The following ALK variants were observed in gnomAD, a reference collection of about 807,000 sequenced individuals.
The protein encoded by ALK is ALK tyrosine kinase receptor.
In ALK, 74 loss-of-function variants were observed where a neutral mutation model predicts 163.1. The observed-to-expected ratio is 0.45, with a 90% CI of 0.38 to 0.55. The LOEUF (loss-of-function observed/expected upper bound fraction) is 0.55, where lower values mean the gene tolerates loss of function less well. Ranked by LOEUF, ALK falls within the 20% of genes least tolerant of loss-of-function variation. The pLI, the probability that ALK is intolerant of heterozygous loss-of-function variation, is 0.00. For missense variants in ALK, 2,063 were observed against 2,105.3 expected, an observed-to-expected ratio of 0.98 and a Z score of 0.39; for synonymous variants, 960 against 843.2, an observed-to-expected ratio of 1.14 and a Z score of -2.40.
In ALK at chr2:29,295,958, G is replaced by A. The variant is rs145528049; in HGVS notation, c.1817+930C>T. On this transcript the variant is annotated intron_variant, in intron 9 of 28. Coordinates refer to ENST00000389048, the MANE Select transcript of ALK (RefSeq NM_004304.5). ...GGAACAGATCAGCACCCACCATGAGGGTTCAGGATGATACGGCAGGGTCAC... is the reference window on the plus strand; with the variant it reads ...GGAACAGATCAGCACCCACCATGAGAGTTCAGGATGATACGGCAGGGTCAC... Among the ~76,000 whole-genome samples the A allele has an allele frequency of 2.7e-4, 41 of 152,268 alleles. No homozygotes were observed. In the East Asian group the frequency reaches 7.5e-3, roughly 28 times the overall value.
At chr2:29,256,852 G>A (rs917663527) in intron 11 of ALK, among the ~76,000 whole-genome samples, 1 of 152,180 alleles carries the variant, frequency 6.6e-6, no homozygotes, top group African/African-American at 2.4e-5. Flanking sequence ...ATGAGAGAAG[G>A]TGCTCAGGTT....
At chr2:29,861,091 G>A (rs779843716) in intron 1 of ALK, among the ~76,000 whole-genome samples, 2 of 152,112 alleles carry the variant, frequency 1.3e-5, no homozygotes, top group South Asian at 2.1e-4. Context: ...ATGATCACTC[G>A]AGCCCACGAG....
chr2:29,479,034 G>T (rs1439086410), intron 4 of ALK, among the ~76,000 whole-genome samples: 1 of 152,184 alleles, frequency 6.6e-6, no homozygotes, highest in African/African-American at 2.4e-5. Context: ...CCTCATAAAA[G>T]GGTCCTAGAC....
At chr2:29,447,039 A>T (rs1218074558) in intron 4 of ALK, among the ~76,000 whole-genome samples, 2 of 152,228 alleles carry the variant, frequency 1.3e-5, no homozygotes, top group Non-Finnish European at 2.9e-5. Context: ...AAGAGGAGTA[A>T]GGAACCAACC....
chr2:29,640,754 G>A (rs1052492682), intron 3 of ALK, among the ~76,000 whole-genome samples: 3 of 152,160 alleles, frequency 2.0e-5, no homozygotes, highest in Non-Finnish European at 2.9e-5. Context: ...AGTGGGGGAA[G>A]AAATACATTA....
intron 4 of ALK, among the ~76,000 whole-genome samples, chr2:29,506,043 C>T (rs12620310): frequency 0.26 from 39,923 of 151,952 alleles, 5,419 homozygotes; most frequent in East Asian, 0.35. Flanking sequence ...TCACCTCACC[C>T]GATGATCTTT....
intron 4 of ALK, among the ~76,000 whole-genome samples, chr2:29,508,991 A>G (rs1026465289): frequency 6.6e-6 from 1 of 152,108 alleles, no homozygotes; most frequent in East Asian, 1.9e-4. Flanking sequence ...ATTTTAATAG[A>G]AAGGGAAAAA....
At chr2:29,731,039 G>T (rs535339951) in intron 1 of ALK, among the ~76,000 whole-genome samples, 1 of 152,304 alleles carries the variant, frequency 6.6e-6, no homozygotes, top group South Asian at 2.1e-4. Flanking sequence ...AAACAAAGCA[G>T]GTGGCATGGG....
At chr2:29,744,488 C>T (rs527792598) in intron 1 of ALK, among the ~76,000 whole-genome samples, 8 of 152,184 alleles carry the variant, frequency 5.3e-5, no homozygotes, top group African/African-American at 1.9e-4. Flanking sequence ...AACTCTAGCT[C>T]GCTTGGGTCA....
intron 12 of ALK, among the ~76,000 whole-genome samples, chr2:29,242,622 T>C (rs1323582056): frequency 6.6e-6 from 1 of 152,208 alleles, no homozygotes; most frequent in Non-Finnish European, 1.5e-5. Flanking sequence ...CCAAGTCATC[T>C]GCTGGTTCTT....
chr2:29,899,490 C>T (rs1000162445), intron 1 of ALK: 1 of 152,238 alleles, frequency 6.6e-6, no homozygotes, highest in Non-Finnish European at 1.5e-5. Context: ...CTGAATTAAC[C>T]TACCCTGGAG....
At chr2:29,401,602 G>A (rs1381773711) in intron 4 of ALK, among the ~76,000 whole-genome samples, 8 of 152,084 alleles carry the variant, frequency 5.3e-5, no homozygotes, top group Admixed American at 2.0e-4. Flanking sequence ...CTGAACTCAC[G>A]ACTCCTGGAG....
At chr2:29,204,437 GA>G in intron 26 of ALK, among the ~76,000 whole-genome samples, 1 of 152,276 alleles carries the variant, frequency 6.6e-6, no homozygotes, top group Non-Finnish European at 1.5e-5. Flanking sequence ...TCTGGTCAGG[GA>G]TTTTGTAGAA....
chr2:29,311,707 G>A (rs537296438), intron 8 of ALK, among the ~76,000 whole-genome samples: 9 of 152,278 alleles, frequency 5.9e-5, no homozygotes, highest in African/African-American at 2.2e-4. Flanking sequence ...AGGACACTGT[G>A]GGCCTTGCTG....
intron 10 of ALK, 63 bp downstream of exon 10, chr2:29,275,339 G>A (rs1665507307): frequency 6.2e-7 from 1 of 1,607,620 alleles, no homozygotes; most frequent in Non-Finnish European, 8.5e-7. Context: ...GCTGAGGAGG[G>A]GACAATGAGG....
At chr2:29,621,281 T>C (rs1476743948) in intron 3 of ALK, among the ~76,000 whole-genome samples, 1 of 152,192 alleles carries the variant, frequency 6.6e-6, no homozygotes, top group East Asian at 1.9e-4. Flanking sequence ...TGTTCATCGC[T>C]TTTTTTGTTG....
At chr2:29,861,839 T>C (rs1461782408) in intron 1 of ALK, among the ~76,000 whole-genome samples, 1 of 152,092 alleles carries the variant, frequency 6.6e-6, no homozygotes, top group African/African-American at 2.4e-5. Context: ...AAAAGAAAAT[T>C]GCAAGCCAAT....
At position 29,193,662 on chromosome 2, in the gene ALK, G is replaced by T. The variant is rs139039449; in HGVS notation, c.4425C>A (p.His1475Gln). The change falls in exon 29 of 29, where the codon CAC becomes CAA. Residue 1475 changes from histidine (H) to glutamine (Q), a missense_variant. His to Gln is a conservative substitution (Grantham distance 24, BLOSUM62 0). Around this residue, in one of 5 missense-constraint regions of ALK, gnomAD observed 403 missense variants for 366.2 expected, o/e 1.10. Transcript: ENST00000389048. ...VPRGPAVEGG[H>Q]VNMAFSQSNP... is the part of the protein sequence containing the mutation. ...TGGACTGAGAGAATGCCATATTCAC[G>T]TGTCCCCCTTCCACGGCCGGCCCTC... is the stretch of plus-strand genomic sequence containing the variant. 2.5e-6 allele frequency: 4 copies of T among 1,614,148 alleles called. No individual in the cohort carries two copies. The Admixed American group carries it at 5.0e-5, about 20-fold the overall frequency.
chr2:29,804,927 C>T (rs1009551117), intron 1 of ALK, among the ~76,000 whole-genome samples: 6 of 152,172 alleles, frequency 3.9e-5, no homozygotes, highest in Admixed American at 2.0e-4. Context: ...TTGTCCTACA[C>T]ATCACTTCTG....
Sources: gnomAD v4.1 joint callset for allele counts (sites outside exome capture counted in the v4.1 genomes callset) on GRCh38, gnomAD v4.1.1 for gene constraint, gnomAD v4.1.1 regional missense constraint, MANE v1.5 for transcripts, NCBI Gene and HGNC (gene_info 2026-07-23, HGNC 2026-07-21) for gene names.